UBE4A: variants seen among roughly 807,000 people sequenced by gnomAD.
UBE4A encodes ubiquitination factor E4A.
Under a neutral mutation model 117.9 loss-of-function variants are expected in UBE4A, and 48 were observed. That is an observed-to-expected ratio of 0.41 (90% CI 0.32 to 0.52). The LOEUF (loss-of-function observed/expected upper bound fraction) is 0.52, where lower values mean the gene tolerates loss of function less well. Among genes scored for constraint, UBE4A ranks in the 20% least tolerant of loss-of-function variants. The probability of loss-of-function intolerance (pLI) is 0.33; values close to 1 mark genes in which losing one functional copy is unlikely to be tolerated. For missense variants in UBE4A, 1,067 were observed against 1,296.3 expected (o/e 0.82, Z 2.72); for synonymous variants, 407 against 450.0 (o/e 0.90, Z 1.21).
At chr11:118,386,319 T>G in intron 15 of UBE4A, 119 bp from the exon 16 acceptor site, 1 of 1,145,610 alleles carries the variant, frequency 8.7e-7, no homozygotes, top group Non-Finnish European at 1.2e-6. Flanking sequence ...CTCATGTCTT[T>G]TACATGGTCC....
intron 1 of UBE4A, among the ~76,000 whole-genome samples, chr11:118,361,572 C>G (rs186923369): frequency 6.6e-6 from 1 of 152,240 alleles, no homozygotes; most frequent in Admixed American, 6.5e-5. Flanking sequence ...AGTTTGTGCA[C>G]AGATTTGACA....
intron 1 of UBE4A, among the ~76,000 whole-genome samples, chr11:118,361,011 T>G (rs1233058624): frequency 4.1e-5 from 6 of 147,330 alleles, no homozygotes; most frequent in South Asian, 4.4e-4. Flanking sequence ...TGTGTGTATT[T>G]TTTTTTTTTT....
At chr11:118,361,008 A>ATTTT (rs71301652) in intron 1 of UBE4A, among the ~76,000 whole-genome samples, 1 of 104,894 alleles carries the variant, frequency 9.5e-6, no homozygotes, top group Non-Finnish European at 1.9e-5. Context: ...GTGTGTGTGT[A>ATTTT]TTTTTTTTTT....
Position 118,372,569 on chromosome 11 carries a change from C to A in UBE4A, c.624C>A (p.Ser208=), listed in dbSNP as rs1388151456. Residue 208 remains serine (S), a synonymous_variant, in exon 6 of 20, where the codon TCC becomes TCA. Coordinates refer to ENST00000252108, the MANE Select transcript of UBE4A (RefSeq NM_001204077.2). The part of the protein sequence containing the change: ...FAVQCRNLTV[S]NTRTVLLTPE... Reference sequence around the variant, plus strand: ...TGCAGTGCAGAAACCTCACTGTGTCCAATACCCGAACAGTTCTTCTCACCC... The same window carrying A: ...TGCAGTGCAGAAACCTCACTGTGTCAAATACCCGAACAGTTCTTCTCACCC... 2 of 1,613,990 alleles carry A rather than the reference C, an allele frequency of 1.2e-6. No homozygotes were observed. Among genetic ancestry groups the A allele is most frequent in the Non-Finnish European group, 1.7e-6 (2 of 1,180,030 alleles).
At chr11:118,369,321 C>A in intron 3 of UBE4A, 102 bp from the exon 4 acceptor site, 1 of 774,660 alleles carries the variant, frequency 1.3e-6, no homozygotes, top group Non-Finnish European at 2.2e-6. Context: ...TCTGGTATTA[C>A]TTGAGTCAGA....
intron 2 of UBE4A, among the ~76,000 whole-genome samples, chr11:118,365,807 G>A (rs1948558123): frequency 6.6e-6 from 1 of 152,124 alleles, no homozygotes; most frequent in African/African-American, 2.4e-5. Context: ...AAAAACATCA[G>A]AATAACATCT....
At chr11:118,384,310 C>A (rs1214135270) in intron 13 of UBE4A, among the ~76,000 whole-genome samples, 7 of 152,190 alleles carry the variant, frequency 4.6e-5, no homozygotes, top group African/African-American at 1.7e-4. Flanking sequence ...TAATGGCCAG[C>A]CCTGAGCCCT....
chr11:118,393,733 C>A (rs2134115254), intron 19 of UBE4A, among the ~76,000 whole-genome samples: 1 of 152,082 alleles, frequency 6.6e-6, no homozygotes, highest in South Asian at 2.1e-4. Context: ...ATAGCTGAGA[C>A]TACAGGTGAG....
rs1226657991 is a variant in UBE4A, at chr11:118,397,573, G to A, written c.*1133G>A. On this transcript the variant is annotated 3_prime_UTR_variant, in exon 20 of 20. Transcript: ENST00000252108. ...TTAAATATCCACTTAGCCCTGTGTA[G>A]TTGGTAGGTGGACACCACTTTCATA... The A allele has an allele frequency of 6.6e-6, 1 of 152,196 alleles. No individual in the cohort carries two copies. The highest frequency in any genetic ancestry group is 1.5e-5 in the Non-Finnish European group (1 of 68,052). 9.4% of individuals were successfully genotyped at this position (152,196 alleles called of 1,614,324 possible).
At chr11:118,395,976 G>C (rs1948867825) in intron 19 of UBE4A, among the ~76,000 whole-genome samples, 2 of 152,060 alleles carry the variant, frequency 1.3e-5, no homozygotes, top group Non-Finnish European at 2.9e-5. Flanking sequence ...TTGGGAGGCT[G>C]AGGTCAGAGA....
rs1555127959 is a variant in UBE4A, at chr11:118,389,919, A to G, written c.2768+14A>G. 3 of 1,559,178 alleles carry G rather than the reference A, an allele frequency of 1.9e-6. No homozygotes were observed. The highest frequency in any genetic ancestry group is 1.7e-4 in the Middle Eastern group (1 of 5,848). ...CTTAAATCTTGGGTACCTGAGATTG[A>G]AATCTGTCAAGCCAGAGGGGATGCT... On this transcript the variant is annotated intron_variant, in intron 17 of 19. Coordinates refer to ENST00000252108, the MANE Select transcript of UBE4A (RefSeq NM_001204077.2).
In UBE4A at chr11:118,399,122, G is replaced by T; in HGVS notation, c.*2682G>T. The T allele has an allele frequency of 4.4e-6, 2 of 453,162 alleles. No homozygotes were observed. The highest frequency in any genetic ancestry group is 6.5e-4 in the Middle Eastern group (2 of 3,062). The allele number at this position is 453,162 out of a possible 1,614,324, so 28.1% of individuals were successfully genotyped here. A position where few individuals can be genotyped will look rare whatever the true frequency, so the allele number is the denominator to read the frequency against. On this transcript the variant is annotated 3_prime_UTR_variant, in exon 20 of 20. Transcript: ENST00000252108. ...AACTTGATCAACGCGACTGTATTTT[G>T]AAACATTCCAGGAAGGTTACTTCTT...
chr11:118,372,675 A>T lies in UBE4A; in HGVS notation c.721+9A>T, dbSNP rs747862507. On this transcript the variant is annotated intron_variant, in intron 6 of 19. Transcript: ENST00000252108. Reference sequence around the variant, plus strand: ...AGCCATCCAGGGAGCCCGTGAGTACATGAACAAGATCTGTAAGCTTCTACA... The same window carrying T: ...AGCCATCCAGGGAGCCCGTGAGTACTTGAACAAGATCTGTAAGCTTCTACA... The T allele has an allele frequency of 2.5e-6, 4 of 1,612,244 alleles. No homozygotes were observed. Among genetic ancestry groups the T allele is most frequent in the Non-Finnish European group, 3.4e-6 (4 of 1,179,584 alleles).
Position 118,384,891 on chromosome 11 carries a change from C to A in UBE4A, c.2358C>A (p.Arg786=). 1.2e-6 allele frequency: 2 copies of A among 1,611,366 alleles called. No individual in the cohort carries two copies. Among genetic ancestry groups the A allele is most frequent in the African/African-American group, 1.3e-5 (1 of 74,084 alleles). Residue 786 remains arginine (R), a synonymous_variant, in exon 15 of 20, where the codon CGC becomes CGA. Coordinates refer to ENST00000252108, the MANE Select transcript of UBE4A (RefSeq NM_001204077.2). ...CCATGAATCCCCCACTTTTCCTCCG[C>A]TTTCTTAACCTGCTAATGAATGATG... ...LEAMNPPLFL[R]FLNLLMNDAI...
chr11:118,368,574 C>T (rs1294925533), intron 2 of UBE4A, 57 bp from the exon 3 acceptor site: 14 of 1,530,484 alleles, frequency 9.1e-6, no homozygotes, highest in Non-Finnish European at 1.3e-5. Flanking sequence ...TTTTTGGTAG[C>T]ATGCTTGGTT....
intron 1 of UBE4A, among the ~76,000 whole-genome samples, chr11:118,363,575 T>TAAATAAGG (rs1312494401): frequency 6.6e-6 from 1 of 151,466 alleles, no homozygotes; most frequent in Non-Finnish European, 1.5e-5. Flanking sequence ...CTTTCTCTGG[T>TAAATAAGG]AAATAAGGGT....
intron 3 of UBE4A, 103 bp from the exon 4 acceptor site, chr11:118,369,320 A>T: frequency 2.6e-6 from 2 of 761,272 alleles, no homozygotes; most frequent in Non-Finnish European, 4.4e-6. Flanking sequence ...TTCTGGTATT[A>T]CTTGAGTCAG....
intron 8 of UBE4A, among the ~76,000 whole-genome samples, chr11:118,374,384 T>A (rs1219765107): frequency 6.6e-6 from 1 of 152,218 alleles, no homozygotes; most frequent in Non-Finnish European, 1.5e-5. Flanking sequence ...CTGGCCAACA[T>A]GAGGCATTGA....
At chr11:118,392,964 C>A (rs181753954) in intron 19 of UBE4A, 69 bp downstream of exon 19, 4 of 1,495,194 alleles carry the variant, frequency 2.7e-6, no homozygotes, top group Non-Finnish European at 1.8e-6. Context: ...TTCTCCCAGG[C>A]ACCTAAGACA....
Sources: gnomAD v4.1 joint callset for allele counts (sites outside exome capture counted in the v4.1 genomes callset) on GRCh38, gnomAD v4.1.1 for gene constraint, MANE v1.5 for transcripts, NCBI Gene and HGNC (gene_info 2026-07-23, HGNC 2026-07-21) for gene names.